The following GMDS variants were observed in gnomAD, a reference collection of about 807,000 sequenced individuals.
GMDS encodes the protein GDP-mannose 4,6-dehydratase, also known as GDP-mannose 4,6 dehydratase.
In GMDS, 20 loss-of-function variants were observed where a neutral mutation model predicts 49.9. The observed-to-expected ratio is 0.40, with a 90% CI of 0.28 to 0.58. The LOEUF (loss-of-function observed/expected upper bound fraction) is 0.58. Among genes scored for constraint, GMDS ranks in the 20% least tolerant of loss-of-function variants. GMDS has a pLI of 0.42. For missense variants in GMDS, 362 were observed against 481.4 expected, an observed-to-expected ratio of 0.75 and a Z score of 2.32; for synonymous variants, 177 against 178.6, an observed-to-expected ratio of 0.99 and a Z score of 0.07.
chr6:1,742,512 C>T lies in GMDS; in HGVS notation c.846G>A (p.Arg282=). ...VIATGEVHSV[R]EFVEKSFLHI... is the part of the protein sequence containing the mutation. ...GCAAGAATGATTTCTCGACAAATTC[C>T]CGGACACTATGGACCTCCCCAGTAG... Residue 282 remains arginine (R), a synonymous_variant, in exon 8 of 11, where the codon CGG becomes CGA. Coordinates refer to ENST00000380815, the MANE Select transcript of GMDS (RefSeq NM_001500.4). 2 of 1,611,824 alleles carry T rather than the reference C, an allele frequency of 1.2e-6. No homozygotes were observed. Among genetic ancestry groups the T allele is most frequent in the Non-Finnish European group, 1.7e-6 (2 of 1,177,998 alleles).
At chr6:1,806,953 T>C (rs1213444610) in intron 7 of GMDS, among the ~76,000 whole-genome samples, 1 of 152,214 alleles carries the variant, frequency 6.6e-6, no homozygotes, top group Non-Finnish European at 1.5e-5. Flanking sequence ...ATAAATATAA[T>C]ATGCATATTT....
At chr6:1,808,904 CTGTGTGTGTG>C (rs35317273) in intron 7 of GMDS, among the ~76,000 whole-genome samples, 39 of 149,326 alleles carry the variant, frequency 2.6e-4, no homozygotes, top group Admixed American at 2.5e-3. Flanking sequence ...CATGCTCTCT[CTGTGTGTGTG>C]TGTGTGTGTG....
At chr6:1,982,693 A>G (rs1765290725) in intron 4 of GMDS, among the ~76,000 whole-genome samples, 1 of 152,220 alleles carries the variant, frequency 6.6e-6, no homozygotes, top group South Asian at 2.1e-4. Flanking sequence ...CCCTTCAAGG[A>G]GAACTACAAA....
intron 9 of GMDS, among the ~76,000 whole-genome samples, chr6:1,659,394 C>A (rs1763993802): frequency 6.6e-6 from 1 of 152,064 alleles, no homozygotes; most frequent in Non-Finnish European, 1.5e-5. Flanking sequence ...TAAAGCAGGT[C>A]TCTTGGGACT....
At chr6:1,876,532 T>C (rs1329372064) in intron 7 of GMDS, among the ~76,000 whole-genome samples, 1 of 151,996 alleles carries the variant, frequency 6.6e-6, no homozygotes, top group African/African-American at 2.4e-5. Flanking sequence ...AGAGAGGAGG[T>C]TTGAGTAGAA....
intron 1 of GMDS, among the ~76,000 whole-genome samples, chr6:2,178,958 C>A (rs1006249692): frequency 4.6e-5 from 7 of 152,170 alleles, no homozygotes; most frequent in African/African-American, 1.7e-4. Flanking sequence ...AATTTGAAAT[C>A]TCTCAATATT....
intron 7 of GMDS, among the ~76,000 whole-genome samples, chr6:1,850,650 C>T (rs567830002): frequency 5.4e-4 from 82 of 152,218 alleles, no homozygotes; most frequent in South Asian, 1.0e-3. Flanking sequence ...CAGGGTCAAA[C>T]GAGGGCTAGG....
At chr6:2,136,713 A>G (rs929280459) in intron 1 of GMDS, among the ~76,000 whole-genome samples, 8 of 152,136 alleles carry the variant, frequency 5.3e-5, no homozygotes, top group African/African-American at 1.9e-4. Flanking sequence ...GAATGAGACC[A>G]TGTACCAAAA....
intron 9 of GMDS, among the ~76,000 whole-genome samples, chr6:1,712,879 T>C (rs1264902695): frequency 6.6e-6 from 1 of 152,140 alleles, no homozygotes; most frequent in African/African-American, 2.4e-5. Context: ...CAGAACAATA[T>C]AAATATTACT....
In GMDS at chr6:1,999,118, TC is replaced by T. The variant is rs1766484705; in HGVS notation, c.346-38153del. ...GCGGCCATATCATGAGGTCAGGAAA[TC>T]GAGACCAGCCTGGCCAACATGGTGA... On this transcript the variant is annotated intron_variant, in intron 4 of 10. Transcript: ENST00000380815. Among the ~76,000 whole-genome samples the T allele has an allele frequency of 4.6e-5, 7 of 152,034 alleles. No homozygotes were observed. The South Asian group carries it at 1.3e-3, about 27-fold the overall frequency.
chr6:1,651,558 C>T (rs150939105), intron 9 of GMDS, among the ~76,000 whole-genome samples: 4 of 152,304 alleles, frequency 2.6e-5, no homozygotes, highest in East Asian at 3.9e-4. Flanking sequence ...GCACCCAGGG[C>T]GTGGGACATA....
chr6:2,040,048 C>T (rs1769572721), intron 4 of GMDS, among the ~76,000 whole-genome samples: 1 of 152,178 alleles, frequency 6.6e-6, no homozygotes, highest in Admixed American at 6.5e-5. Context: ...CTTTTCAGCA[C>T]CACTATAATC....
At chr6:1,907,811 C>A (rs1760850283) in intron 7 of GMDS, among the ~76,000 whole-genome samples, 1 of 152,186 alleles carries the variant, frequency 6.6e-6, no homozygotes, top group Non-Finnish European at 1.5e-5. Context: ...GAGACAATAA[C>A]TGGCCAATAA....
At chr6:1,663,116 C>T (rs1330232447) in intron 9 of GMDS, among the ~76,000 whole-genome samples, 1 of 152,176 alleles carries the variant, frequency 6.6e-6, no homozygotes, top group Non-Finnish European at 1.5e-5. Context: ...GAACTTACTG[C>T]TCAAATATGA....
intron 1 of GMDS, among the ~76,000 whole-genome samples, chr6:2,223,419 A>T (rs895481443): frequency 2.0e-5 from 3 of 151,898 alleles, no homozygotes; most frequent in African/African-American, 7.3e-5. Flanking sequence ...CGACCATCTG[A>T]CATGATCAGA....
At chr6:1,799,788 G>T (rs992578635) in intron 7 of GMDS, among the ~76,000 whole-genome samples, 4 of 152,122 alleles carry the variant, frequency 2.6e-5, no homozygotes, top group Admixed American at 2.6e-4. Context: ...TACAGCCTAC[G>T]AAACAAACTG....
rs571744744 is a variant in GMDS at position 2,229,484 on chromosome 6, G to C, written c.102+15837C>G. On this transcript the variant is annotated intron_variant, in intron 1 of 10. Transcript: ENST00000380815. ...ACCTGTGATCCTAGCTACTCAGAAG[G>C]CTGGGGTGGGAGGATTAGTTGAGCC... Among the ~76,000 whole-genome samples the C allele has an allele frequency of 2.7e-4, 41 of 152,102 alleles. 1 individual carries two copies. Among genetic ancestry groups the C allele is most frequent in the African/African-American group, 8.2e-4 (34 of 41,478 alleles).
At chr6:2,074,829 G>GA in intron 4 of GMDS, among the ~76,000 whole-genome samples, 1 of 151,984 alleles carries the variant, frequency 6.6e-6, no homozygotes, top group Non-Finnish European at 1.5e-5. Context: ...TATACTGGGA[G>GA]AAAGTCAGGT....
At chr6:1,653,190 G>A (rs913062138) in intron 9 of GMDS, among the ~76,000 whole-genome samples, 1 of 151,954 alleles carries the variant, frequency 6.6e-6, no homozygotes, top group African/African-American at 2.4e-5. Flanking sequence ...TGTTTAAACT[G>A]GACTGTACAC....
Sources: allele counts gnomAD v4.1 joint callset (sites outside exome capture counted in the v4.1 genomes callset), GRCh38; gene constraint gnomAD v4.1.1; transcripts MANE v1.5; gene names NCBI Gene and HGNC (gene_info 2026-07-23, HGNC 2026-07-21).